Variants in PIK3C3 observed in about 807,000 individuals in gnomAD.
PIK3C3 encodes phosphatidylinositol 3-kinase catalytic subunit type 3.
PIK3C3 carries 95 observed loss-of-function variants against 126.1 expected under a neutral mutation model. The ratio of observed to expected loss-of-function variants is 0.75; its 90% CI spans 0.64 to 0.89. PIK3C3 has a LOEUF of 0.89. Ranked by LOEUF, PIK3C3 falls within the 40% of genes least tolerant of loss-of-function variation. PIK3C3 has a pLI of 0.00. For synonymous variants in PIK3C3, 374 were observed against 360.0 expected (o/e 1.04, Z -0.44); for missense variants, 829 against 1,063.2 (o/e 0.78, Z 3.06).
intron 16 of PIK3C3, among the ~76,000 whole-genome samples, chr18:42,036,012 CA>C (rs1362290279): frequency 6.6e-6 from 1 of 151,924 alleles, no homozygotes; most frequent in Non-Finnish European, 1.5e-5. Flanking sequence ...TATTGAATCT[CA>C]AAAAAGAAAT....
Position 42,033,933 on chromosome 18 carries a change from T to C in PIK3C3, c.1815T>C (p.Ile605=). 1 of 1,607,450 alleles carries C rather than the reference T, an allele frequency of 6.2e-7. No homozygotes were observed. The highest frequency in any genetic ancestry group is 8.5e-7 in the Non-Finnish European group (1 of 1,176,566). ...CCCAAGTGAAAATTAGAGGAATAAT[T>C]CCGGAAACAGCTACACTGTTTAAAG... ...LEPQVKIRGI[I]PETATLFKSA... is the part of the protein sequence containing the mutation. Residue 605 remains isoleucine, a synonymous_variant, in exon 16 of 25, where the codon ATT becomes ATC. Transcript: ENST00000262039.
At chr18:42,000,822 C>T (rs1982253310) in intron 9 of PIK3C3, among the ~76,000 whole-genome samples, 1 of 152,242 alleles carries the variant, frequency 6.6e-6, no homozygotes, top group South Asian at 2.1e-4. Context: ...ATCATGAGAA[C>T]AGCATGAGAA....
chr18:41,982,296 A>G (rs2144335758), intron 4 of PIK3C3, among the ~76,000 whole-genome samples: 1 of 152,308 alleles, frequency 6.6e-6, no homozygotes, highest in Non-Finnish European at 1.5e-5. Context: ...TTTTGTATAT[A>G]GTAGTACCAG....
intron 13 of PIK3C3, among the ~76,000 whole-genome samples, chr18:42,023,639 T>C (rs190364771): frequency 6.6e-6 from 1 of 152,340 alleles, no homozygotes; most frequent in Admixed American, 6.5e-5. Flanking sequence ...ATGTGTGGAC[T>C]CTTGCCTTTA....
At chr18:42,076,798 C>T (rs1452779456) in intron 24 of PIK3C3, among the ~76,000 whole-genome samples, 1 of 152,152 alleles carries the variant, frequency 6.6e-6, no homozygotes, top group African/African-American at 2.4e-5. Flanking sequence ...TGAATGTCAT[C>T]CTTGATAGGG....
intron 24 of PIK3C3, among the ~76,000 whole-genome samples, chr18:42,071,501 C>T (rs1465377384): frequency 3.3e-5 from 5 of 152,148 alleles, no homozygotes; most frequent in Non-Finnish European, 7.4e-5. Flanking sequence ...AGGCGAATCA[C>T]ATGAGGTCAG....
At chr18:42,053,725 T>C (rs187098444) in intron 21 of PIK3C3, among the ~76,000 whole-genome samples, 135 of 152,236 alleles carry the variant, frequency 8.9e-4, no homozygotes, top group African/African-American at 3.2e-3. Flanking sequence ...AAGGTTAATT[T>C]TTTTGTTTTT....
chr18:42,038,164 G>A (rs1283001312), intron 17 of PIK3C3, among the ~76,000 whole-genome samples: 7 of 151,726 alleles, frequency 4.6e-5, no homozygotes, highest in Non-Finnish European at 1.0e-4. Flanking sequence ...GTACATGCTT[G>A]CCCTAGTTCC....
intron 13 of PIK3C3, among the ~76,000 whole-genome samples, chr18:42,022,690 GT>G (rs1555635601): frequency 1.3e-5 from 2 of 151,944 alleles, no homozygotes; most frequent in Non-Finnish European, 1.5e-5. Flanking sequence ...AAGAAAAAGA[GT>G]TTCCTGCTTT....
At chr18:42,024,107 T>A (rs934725866) in intron 13 of PIK3C3, among the ~76,000 whole-genome samples, 1 of 152,226 alleles carries the variant, frequency 6.6e-6, no homozygotes, top group Admixed American at 6.5e-5. Context: ...TTTGACATGT[T>A]TTCTATAACT....
chr18:41,970,226 C>T, intron 3 of PIK3C3, 101 bp from the exon 4 acceptor site: 1 of 972,646 alleles, frequency 1.0e-6, no homozygotes, highest in Non-Finnish European at 1.6e-6. Context: ...TGGAGATATA[C>T]ATTTCCATGT....
chr18:42,013,027 A>G (rs191549944), intron 10 of PIK3C3, among the ~76,000 whole-genome samples: 1 of 152,196 alleles, frequency 6.6e-6, no homozygotes, highest in East Asian at 1.9e-4. Context: ...TATTAAACAT[A>G]GAATGCACTC....
chr18:42,057,775 C>CTA lies in PIK3C3; in HGVS notation c.2264-107_2264-106dup, dbSNP rs1026816850. 9 of 978,060 alleles carry CTA rather than the reference C, an allele frequency of 9.2e-6. No homozygotes were observed. In the African/African-American group the frequency reaches 1.2e-4, roughly 13 times the overall value. 60.6% of individuals were successfully genotyped at this position (978,060 alleles called of 1,614,324 possible). On this transcript the variant is annotated intron_variant, in intron 21 of 24. Coordinates refer to ENST00000262039, the MANE Select transcript of PIK3C3 (RefSeq NM_002647.4). ...AGAATTTAATAGGCTTCATCGTGAA[C>CTA]TAATATTCTTTATGAAGAGACACTG... is the stretch of plus-strand genomic sequence containing the variant.
chr18:42,037,914 A>G (rs1389218509), intron 17 of PIK3C3, 94 bp downstream of exon 17: 1 of 1,180,382 alleles, frequency 8.5e-7, no homozygotes, highest in Admixed American at 2.1e-5. Context: ...AAGTATTTGT[A>G]ACATTCAGGT....
intron 24 of PIK3C3, among the ~76,000 whole-genome samples, chr18:42,076,161 T>TATATATATGC (rs1568013817): frequency 2.1e-5 from 2 of 96,944 alleles, no homozygotes; most frequent in Admixed American, 1.1e-4. Flanking sequence ...TATATATATA[T>TATATATATGC]GCACATATAT....
At chr18:41,955,972 C>T (rs1009912939) in intron 1 of PIK3C3, among the ~76,000 whole-genome samples, 1 of 152,016 alleles carries the variant, frequency 6.6e-6, no homozygotes, top group Non-Finnish European at 1.5e-5. Context: ...GTTGGGGCAC[C>T]ACGGCTGAAG....
At chr18:42,068,055 GGCT>G (rs1985615574) in intron 24 of PIK3C3, among the ~76,000 whole-genome samples, 1 of 152,150 alleles carries the variant, frequency 6.6e-6, no homozygotes, top group African/African-American at 2.4e-5. Flanking sequence ...GGAAAAATTA[GGCT>G]GCTTTTTTCT....
rs781232152 is a variant in PIK3C3 at position 41,955,296 on chromosome 18, G to A, written c.5G>A (p.Gly2Glu). The A allele has an allele frequency of 6.2e-7, 1 of 1,613,182 alleles. No individual in the cohort carries two copies. Among genetic ancestry groups the A allele is most frequent in the South Asian group, 1.1e-5 (1 of 91,002 alleles). Residue 2 changes from glycine to glutamate, a missense_variant, in exon 1 of 25, where the codon GGG (glycine) becomes GAG (glutamate). By Grantham distance (98) the Gly-to-Glu change is moderately conservative (BLOSUM62 -2). Transcript: ENST00000262039. ...GGTACCTTTGCAGACGGTGCGATGG[G>A]GGAAGCAGAGAAGTTTCACTACATC... The part of the protein sequence containing the change: M[G>E]EAEKFHYIYS...
chr18:42,032,289 G>T (rs1264155646), intron 15 of PIK3C3, among the ~76,000 whole-genome samples: 1 of 152,192 alleles, frequency 6.6e-6, no homozygotes, highest in African/African-American at 2.4e-5. Flanking sequence ...AATAGGAGAT[G>T]AAGTTAGAGA....
Sources: allele counts gnomAD v4.1 joint callset (sites outside exome capture counted in the v4.1 genomes callset), GRCh38; gene constraint gnomAD v4.1.1; transcripts MANE v1.5; gene names NCBI Gene and HGNC (gene_info 2026-07-23, HGNC 2026-07-21).